The following DOCK8 variants were observed in gnomAD, a reference collection of about 807,000 sequenced individuals.
DOCK8 encodes the protein dedicator of cytokinesis 8.
Under a neutral mutation model 245.6 loss-of-function variants are expected in DOCK8, and 141 were observed. The ratio of observed to expected loss-of-function variants is 0.57; its 90% confidence interval spans 0.50 to 0.66. The LOEUF (loss-of-function observed/expected upper bound fraction) is 0.66, where lower values mean the gene tolerates loss of function less well. DOCK8 is among the 30% of genes least tolerant of loss of function. The pLI is 0.00. For synonymous variants in DOCK8, 1,168 were observed against 970.2 expected, an observed-to-expected ratio of 1.20 and a Z score of -3.79; for missense variants, 2,965 against 2,603.4, an observed-to-expected ratio of 1.14 and a Z score of -3.02.
At chr9:295,909 T>G (rs1016950907) in intron 4 of DOCK8, among the ~76,000 whole-genome samples, 1 of 152,192 alleles carries the variant, frequency 6.6e-6, no homozygotes, top group African/African-American at 2.4e-5. Context: ...ATGCTGCCCA[T>G]GAAGGATAGA....
rs180693890 is a variant in DOCK8, at chr9:319,329, T to A, written c.827+2201T>A. ...CACTTGAATATCTCTTAATGAAAAT[T>A]GTAAAGTGCAGTTTCTAGTGATGTC... On this transcript the variant is annotated intron_variant, in intron 7 of 47. Transcript: ENST00000432829. Among the ~76,000 whole-genome samples, 6 of 152,276 alleles carry A rather than the reference T, an allele frequency of 3.9e-5. No individual in the cohort carries two copies. The East Asian group carries it at 9.7e-4, about 25-fold the overall frequency.
chr9:372,671 C>T (rs1003218632), intron 18 of DOCK8, among the ~76,000 whole-genome samples: 1 of 152,154 alleles, frequency 6.6e-6, no homozygotes, highest in South Asian at 2.1e-4. Flanking sequence ...GTTGTCACAG[C>T]CCTCCGGTAG....
intron 1 of DOCK8, among the ~76,000 whole-genome samples, chr9:235,062 C>T (rs920050110): frequency 1.3e-5 from 2 of 152,152 alleles, no homozygotes; most frequent in Non-Finnish European, 2.9e-5. Flanking sequence ...TGGTGACGTA[C>T]AGATGGGTTT....
Position 446,748 on chromosome 9 carries a change from A to T in DOCK8, c.5817+142A>T, listed in dbSNP as rs538389579. ...AATATGATTATATGGTTGTCCTTTC[A>T]CTCTCATAGTGCCAGAAAATCCCAT... On this transcript the variant is annotated intron_variant, in intron 44 of 47. Transcript: ENST00000432829. The T allele has an allele frequency of 5.1e-5, 39 of 760,492 alleles. 1 individual carries two copies. In the South Asian group the frequency reaches 5.7e-4, roughly 11 times the overall value. 47.1% of individuals were successfully genotyped at this position (760,492 alleles called of 1,614,324 possible).
intron 4 of DOCK8, among the ~76,000 whole-genome samples, chr9:302,274 G>A (rs996884876): frequency 1.2e-4 from 18 of 152,206 alleles, no homozygotes; most frequent in African/African-American, 4.3e-4. Flanking sequence ...AATAAATGGT[G>A]CTGGAGCAAC....
intron 4 of DOCK8, among the ~76,000 whole-genome samples, chr9:294,102 TTAAAA>T (rs1248971711): frequency 1.3e-5 from 2 of 152,240 alleles, no homozygotes; most frequent in Non-Finnish European, 1.5e-5. Context: ...AAACATTTCT[TTAAAA>T]TAACTGTCCA....
chr9:332,962 G>T (rs2051095236), intron 10 of DOCK8, among the ~76,000 whole-genome samples: 1 of 152,042 alleles, frequency 6.6e-6, no homozygotes, highest in South Asian at 2.1e-4. Flanking sequence ...CCAGCCTGAT[G>T]ATGATTTTTT....
At chr9:346,106 A>C (rs1166688116) in intron 14 of DOCK8, among the ~76,000 whole-genome samples, 1 of 151,772 alleles carries the variant, frequency 6.6e-6, no homozygotes, top group Non-Finnish European at 1.5e-5. Context: ...CAGGCAGGAC[A>C]CTCTGAGAAA....
chr9:310,818 A>G (rs1316084505), intron 5 of DOCK8, among the ~76,000 whole-genome samples: 2 of 152,254 alleles, frequency 1.3e-5, no homozygotes, highest in African/African-American at 4.8e-5. Flanking sequence ...GAAAATTAGT[A>G]TGACAGACAA....
intron 1 of DOCK8, among the ~76,000 whole-genome samples, chr9:264,785 T>C (rs532932612): frequency 3.3e-5 from 5 of 152,330 alleles, no homozygotes; most frequent in African/African-American, 1.2e-4. Flanking sequence ...TTCTTTTATG[T>C]GGTCAACTCC....
intron 1 of DOCK8, among the ~76,000 whole-genome samples, chr9:216,375 AATTTTAAAAC>A (rs1229742552): frequency 6.6e-6 from 1 of 151,886 alleles, no homozygotes; most frequent in African/African-American, 2.4e-5. Flanking sequence ...ACAAAAAAAT[AATTTTAAAAC>A]ATTAGCCAGG....
At chr9:214,713 C>G (rs1256775956), upstream of DOCK8, 1 of 1,545,834 alleles carries the variant, frequency 6.5e-7, no homozygotes, top group Non-Finnish European at 8.7e-7. Context: ...ATCGGGAGGC[C>G]AGTTCCGCGC....
intron 14 of DOCK8, among the ~76,000 whole-genome samples, chr9:358,313 C>G (rs1213696366): frequency 6.6e-6 from 1 of 152,112 alleles, no homozygotes; most frequent in Non-Finnish European, 1.5e-5. Context: ...AGGCTAGTCT[C>G]GAACTCCTGG....
chr9:461,905 C>T (rs980506258), intron 46 of DOCK8, among the ~76,000 whole-genome samples: 5 of 151,268 alleles, frequency 3.3e-5, no homozygotes, highest in African/African-American at 1.2e-4. Context: ...TTTTCCTGGT[C>T]TCTTTTTTCA....
rs568187795 is a variant in DOCK8 at position 288,424 on chromosome 9, C to A, written c.333-1086C>A. Reference sequence around the variant, plus strand: ...ACTTGGAACAAGATCCTTACCATCTCATTTTTCTGCAAAGTGAGAATAATA... The same window carrying A: ...ACTTGGAACAAGATCCTTACCATCTAATTTTTCTGCAAAGTGAGAATAATA... On this transcript the variant is annotated intron_variant, in intron 3 of 47. Transcript: ENST00000432829. 7.7e-4 allele frequency among the ~76,000 whole-genome samples: 118 copies of A among 152,324 alleles called. 1 individual carries two copies. Among genetic ancestry groups the A allele is most frequent in the African/African-American group, 2.8e-3 (116 of 41,580 alleles).
chr9:262,237 A>C (rs964386769), intron 1 of DOCK8, among the ~76,000 whole-genome samples: 1 of 152,012 alleles, frequency 6.6e-6, no homozygotes, highest in African/African-American at 2.4e-5. Flanking sequence ...AATACTAACA[A>C]CACCAAGTAT....
chr9:350,630 T>G (rs1162516347), intron 14 of DOCK8, among the ~76,000 whole-genome samples: 3 of 152,214 alleles, frequency 2.0e-5, no homozygotes. Context: ...AGGAATTGAT[T>G]GATGGCTGCT....
rs868367150 is a variant in DOCK8 at position 446,370 on chromosome 9, G to A, written c.5581G>A (p.Ala1861Thr). The change falls in exon 44 of 48, where the codon GCC becomes ACC. Residue 1861 changes from alanine (A) to threonine (T), a missense_variant and splice_region_variant. Around this residue, in one of 3 missense-constraint regions of DOCK8, gnomAD observed 2,825 missense variants for 2,453.5 expected, o/e 1.15. Transcript: ENST00000432829. ...TCCCTCCGTGCCTTTTCCCCCTTAG[G>A]CCTACATACAGATCACTTTTGTGGA... ...VDKTKLDPNK[A>T]YIQITFVEPY... 1.2e-6 allele frequency: 2 copies of A among 1,613,650 alleles called. No individual in the cohort carries two copies. The highest frequency in any genetic ancestry group is 1.3e-5 in the African/African-American group (1 of 75,044).
At position 324,705 on chromosome 9, in the gene DOCK8, A is replaced by G. The variant is rs1269051743; in HGVS notation, c.828-966A>G. ...GAAGGGCCAGACATTCATCCCCATC[A>G]AAACCCAGCCTTCTTCTGACTGTCC... On this transcript the variant is annotated intron_variant, in intron 7 of 47. Coordinates refer to ENST00000432829, the MANE Select transcript of DOCK8 (RefSeq NM_203447.4). Among the ~76,000 whole-genome samples, 15 of 152,160 alleles carry G rather than the reference A, an allele frequency of 9.9e-5. No homozygotes were observed. In the East Asian group the frequency reaches 2.9e-3, roughly 29 times the overall value.
Sources: allele counts gnomAD v4.1 joint callset (sites outside exome capture counted in the v4.1 genomes callset), GRCh38; gene constraint gnomAD v4.1.1; regional missense constraint gnomAD v4.1.1; transcripts MANE v1.5; gene names NCBI Gene and HGNC (gene_info 2026-07-23, HGNC 2026-07-21).